EPG5: variants seen among roughly 807,000 people sequenced by gnomAD.
EPG5 encodes the protein ectopic P granules protein 5 homolog.
In EPG5, 159 loss-of-function variants were observed where a neutral mutation model predicts 302.7. The ratio of observed to expected loss-of-function variants is 0.53; its 90% CI spans 0.46 to 0.60. The LOEUF is 0.60. Among genes scored for constraint, EPG5 ranks in the 20% least tolerant of loss-of-function variants. The pLI, the probability that EPG5 is intolerant of heterozygous loss-of-function variation, is 0.00. For synonymous variants in EPG5, 1,158 were observed against 1,136.8 expected, an observed-to-expected ratio of 1.02 and a Z score of -0.37; for missense variants, 2,896 against 3,092.4, an observed-to-expected ratio of 0.94 and a Z score of 1.51.
intron 39 of EPG5, among the ~76,000 whole-genome samples, chr18:45,861,074 A>G (rs991218557): frequency 3.9e-5 from 6 of 152,246 alleles, no homozygotes; most frequent in African/African-American, 1.4e-4. Context: ...CTCAAGCTGT[A>G]GCTTTCACAC....
intron 17 of EPG5, 117 bp downstream of exon 17, chr18:45,917,562 A>G: frequency 7.7e-7 from 1 of 1,303,630 alleles, no homozygotes; most frequent in South Asian, 1.3e-5. Flanking sequence ...TTTTTGCCCC[A>G]TAATACGCTG....
chr18:45,854,110 A>G (rs547476271), intron 43 of EPG5, among the ~76,000 whole-genome samples: 1 of 152,302 alleles, frequency 6.6e-6, no homozygotes, highest in South Asian at 2.1e-4. Flanking sequence ...CAGGAGACGT[A>G]GTCTTCTCAA....
intron 19 of EPG5, among the ~76,000 whole-genome samples, 168 bp downstream of exon 19, chr18:45,915,841 G>T (rs1254626648): frequency 6.6e-6 from 1 of 152,214 alleles, no homozygotes; most frequent in Non-Finnish European, 1.5e-5. Context: ...CTTCCCTAGG[G>T]TCTACGCTAG....
Position 45,960,788 on chromosome 18 carries a change from A to G in EPG5, c.64-5450T>C, listed in dbSNP as rs764202497. The stretch of plus-strand genomic sequence containing the variant: ...GTATGTGTACACTCATACACACTTT[A>G]AGCAATGAGGAATCAGAAAGTAATC... On this transcript the variant is annotated intron_variant, in intron 1 of 43. Transcript: ENST00000282041. Among the ~76,000 whole-genome samples the G allele has an allele frequency of 6.8e-4, 104 of 152,266 alleles. 1 individual carries two copies. The highest frequency in any genetic ancestry group is 1.3e-3 in the Non-Finnish European group (88 of 68,030).
the EPG5 span, chr18:45,837,824 T>C: frequency 6.5e-7 from 1 of 1,535,446 alleles, no homozygotes; most frequent in East Asian, 2.6e-5. Context: ...CCGCTACTTC[T>C]GCCGCGTCGA....
At chr18:45,843,553 G>T (rs567302861), downstream of EPG5, 1 of 152,336 alleles carries the variant, frequency 6.6e-6, no homozygotes, top group South Asian at 2.1e-4. Flanking sequence ...AATTAGTATA[G>T]CCACTATGGA....
chr18:45,861,580 G>A (rs1425743429), intron 39 of EPG5, among the ~76,000 whole-genome samples: 4 of 152,140 alleles, frequency 2.6e-5, no homozygotes, highest in African/African-American at 9.7e-5. Context: ...ACCAACTCTA[G>A]AACAGTTTCT....
At chr18:45,903,818 T>C (rs1046723173) in intron 25 of EPG5, among the ~76,000 whole-genome samples, 155 bp downstream of exon 25, 1 of 152,210 alleles carries the variant, frequency 6.6e-6, no homozygotes, top group Admixed American at 6.5e-5. Context: ...ACAGTTGCAA[T>C]TTACACCATT....
chr18:45,811,425 G>T, the EPG5 span, among the ~76,000 whole-genome samples: 1 of 152,040 alleles, frequency 6.6e-6, no homozygotes, highest in Non-Finnish European at 1.5e-5. Context: ...GGCCAGCATC[G>T]TCCTGATGCC....
At position 45,882,729 on chromosome 18, in the gene EPG5, C is replaced by A. The variant is rs574164168; in HGVS notation, c.5305-242G>T. Among the ~76,000 whole-genome samples the A allele has an allele frequency of 2.6e-5, 4 of 152,124 alleles. No individual in the cohort carries two copies. In the South Asian group the frequency reaches 8.3e-4, roughly 32 times the overall value. On this transcript the variant is annotated intron_variant, in intron 30 of 43. Coordinates refer to ENST00000282041, the MANE Select transcript of EPG5 (RefSeq NM_020964.3). ...AATATAAGAAGTTCACTAATTGGGTCGGGTGCGGTGGCTCACACCTGTAAT... is the reference window on the plus strand; with the variant it reads ...AATATAAGAAGTTCACTAATTGGGTAGGGTGCGGTGGCTCACACCTGTAAT...
At chr18:45,863,873 T>C (rs1034060808) in intron 39 of EPG5, among the ~76,000 whole-genome samples, 1 of 152,232 alleles carries the variant, frequency 6.6e-6, no homozygotes, top group Non-Finnish European at 1.5e-5. Context: ...AGGTTCACTA[T>C]AGTGTATACA....
At chr18:45,960,186 CA>C (rs2051118444) in intron 1 of EPG5, among the ~76,000 whole-genome samples, 1 of 152,114 alleles carries the variant, frequency 6.6e-6, no homozygotes. Context: ...TTACAGATCA[CA>C]AAGTAAAATT....
At chr18:45,877,348 G>A (rs147568457) in intron 34 of EPG5, among the ~76,000 whole-genome samples, 117 of 152,304 alleles carry the variant, frequency 7.7e-4, no homozygotes, top group East Asian at 5.8e-3. Context: ...GAACCTGGGA[G>A]GCAGAGGTTG....
chr18:45,922,438 T>C lies in EPG5; in HGVS notation c.3001A>G (p.Thr1001Ala). 3.1e-6 allele frequency: 5 copies of C among 1,614,228 alleles called. No individual in the cohort carries two copies. Among genetic ancestry groups the C allele is most frequent in the Non-Finnish European group, 4.2e-6 (5 of 1,180,044 alleles). The stretch of plus-strand genomic sequence containing the variant: ...AGAGGATGAAACGTGGGTGACTCTG[T>C]CATGTCAGGCACAGTGACGGAGAAG... ...VPFSVTVPDMTESPTFHPLLK... is the reference protein window; with the variant it reads ...VPFSVTVPDMAESPTFHPLLK... Residue 1001 changes from threonine to alanine, a missense_variant, in exon 16 of 44, where the codon ACA becomes GCA. Physicochemically the swap from Thr to Ala is moderately conservative, Grantham distance 58 (BLOSUM62 0). This residue lies in a region of EPG5 where 1,390 missense variants were observed against 1,430.0 expected (regional missense o/e 0.97). Transcript: ENST00000282041.
At chr18:45,936,739 A>AG (rs2050534662) in intron 10 of EPG5, among the ~76,000 whole-genome samples, 3 of 150,432 alleles carry the variant, frequency 2.0e-5, no homozygotes, top group Admixed American at 1.3e-4. Flanking sequence ...AAAAAAAAAA[A>AG]GGAAATCTGC....
the EPG5 span, among the ~76,000 whole-genome samples, chr18:45,826,914 G>T: frequency 5.3e-5 from 8 of 152,080 alleles, no homozygotes; most frequent in African/African-American, 1.9e-4. Flanking sequence ...AACTCTGTTT[G>T]TTTGTTTGTT....
At chr18:45,807,285 C>T in the EPG5 span, among the ~76,000 whole-genome samples, 3 of 152,178 alleles carry the variant, frequency 2.0e-5, no homozygotes, top group Non-Finnish European at 1.5e-5. Flanking sequence ...AATGGTCCTT[C>T]CCTATCCACC....
At chr18:45,910,779 C>T (rs1458266038) in intron 22 of EPG5, 37 bp from the exon 23 acceptor site, 1 of 1,535,898 alleles carries the variant, frequency 6.5e-7, no homozygotes, top group Non-Finnish European at 9.0e-7. Context: ...AACCTTTCAA[C>T]ACAAGATGTA....
At chr18:45,903,398 C>T (rs1416559739) in intron 25 of EPG5, among the ~76,000 whole-genome samples, 3 of 152,090 alleles carry the variant, frequency 2.0e-5, no homozygotes, top group African/African-American at 7.2e-5. Context: ...TCTCTTCATA[C>T]AACTAACGCG....
Sources: gnomAD v4.1 joint callset for allele counts (sites outside exome capture counted in the v4.1 genomes callset) on GRCh38, gnomAD v4.1.1 for gene constraint, gnomAD v4.1.1 regional missense constraint, MANE v1.5 for transcripts, NCBI Gene and HGNC (gene_info 2026-07-23, HGNC 2026-07-21) for gene names.